The following AGBL1 variants were observed in gnomAD, a reference collection of about 807,000 sequenced individuals.
The protein encoded by AGBL1 is cytosolic carboxypeptidase 4.
AGBL1 carries 130 observed loss-of-function variants against 118.9 expected under a neutral mutation model. The ratio of observed to expected loss-of-function variants is 1.09; its 90% CI spans 0.95 to 1.26. The LOEUF is 1.26. Among genes scored for constraint, AGBL1 ranks in the 50% most tolerant of loss-of-function variants. The pLI is 0.00. For missense variants in AGBL1, 1,584 were observed against 1,298.1 expected, an observed-to-expected ratio of 1.22 and a Z score of -3.38; for synonymous variants, 555 against 478.9, an observed-to-expected ratio of 1.16 and a Z score of -2.08.
intron 17 of AGBL1, among the ~76,000 whole-genome samples, chr15:86,350,285 C>G (rs1021962735): frequency 6.6e-6 from 1 of 152,200 alleles, no homozygotes; most frequent in Non-Finnish European, 1.5e-5. Context: ...AAGAATCTCA[C>G]AAAGAGCTGC....
chr15:86,897,670 A>T (rs541214372), intron 22 of AGBL1, among the ~76,000 whole-genome samples: 44 of 150,826 alleles, frequency 2.9e-4, no homozygotes, highest in Non-Finnish European at 5.6e-4. Flanking sequence ...TTCCACCCTA[A>T]TTCTTGTTGC....
At chr15:86,349,498 G>C (rs2080591678) in intron 17 of AGBL1, among the ~76,000 whole-genome samples, 1 of 152,110 alleles carries the variant, frequency 6.6e-6, no homozygotes, top group Non-Finnish European at 1.5e-5. Context: ...AAGTTTTTGG[G>C]ACTTTGTGTG....
At chr15:86,776,091 C>T (rs1397094112) in intron 22 of AGBL1, among the ~76,000 whole-genome samples, 1 of 152,072 alleles carries the variant, frequency 6.6e-6, no homozygotes, top group Non-Finnish European at 1.5e-5. Flanking sequence ...AATCATTTTC[C>T]ACCTCCTCTT....
intron 18 of AGBL1, among the ~76,000 whole-genome samples, chr15:86,473,671 G>T (rs2082512862): frequency 6.6e-6 from 1 of 152,152 alleles, no homozygotes; most frequent in Non-Finnish European, 1.5e-5. Flanking sequence ...TTTATCATAG[G>T]ACTGGAAAAC....
chr15:86,467,503 A>G (rs2082422617), intron 18 of AGBL1, among the ~76,000 whole-genome samples: 1 of 152,152 alleles, frequency 6.6e-6, no homozygotes, highest in Non-Finnish European at 1.5e-5. Flanking sequence ...CTGGCATTCC[A>G]GGCCCCACTG....
chr15:86,969,269 C>T (rs925576525), intron 23 of AGBL1, among the ~76,000 whole-genome samples: 4 of 151,940 alleles, frequency 2.6e-5, no homozygotes, highest in African/African-American at 9.7e-5. Context: ...AAGTTATGTG[C>T]TTTCCACAAC....
chr15:86,938,644 T>C (rs978553612), intron 23 of AGBL1, among the ~76,000 whole-genome samples: 1 of 152,126 alleles, frequency 6.6e-6, no homozygotes, highest in Non-Finnish European at 1.5e-5. Context: ...AATATCTCTC[T>C]CTCAGGGGTT....
At chr15:86,297,127 A>G (rs1164852048) in intron 17 of AGBL1, 1 of 152,158 alleles carries the variant, frequency 6.6e-6, no homozygotes, top group Non-Finnish European at 1.5e-5. Flanking sequence ...ACACCCTTAT[A>G]TGAATCAAAA....
intron 21 of AGBL1, among the ~76,000 whole-genome samples, chr15:86,612,113 A>G (rs1429095218): frequency 6.6e-6 from 1 of 152,034 alleles, no homozygotes; most frequent in African/African-American, 2.4e-5. Flanking sequence ...AGCTGGAGAT[A>G]AAACCTCCAT....
intron 22 of AGBL1, among the ~76,000 whole-genome samples, chr15:86,906,563 A>G (rs2080282465): frequency 1.3e-5 from 2 of 152,184 alleles, no homozygotes; most frequent in South Asian, 4.1e-4. Flanking sequence ...AGTGCTGTTT[A>G]TTGGAGTGGG....
rs1028768577 is a variant in AGBL1, at chr15:86,079,875, G to C, written c.-98G>C. 1 of 906,068 alleles carries C rather than the reference G, an allele frequency of 1.1e-6. No homozygotes were observed. Among genetic ancestry groups the C allele is most frequent in the African/African-American group, 1.7e-5 (1 of 59,108 alleles). The allele number at this position is 906,068 out of a possible 1,614,324, so 56.1% of individuals were successfully genotyped here. The stretch of plus-strand genomic sequence containing the variant: ...GTGCAGCTGAGGCCTCCGGGCAGTC[G>C]TCTCCTGCGAGGCGGGCAGCGAGGT... On this transcript the variant is annotated 5_prime_UTR_variant, in exon 1 of 23. Coordinates refer to ENST00000614907, the MANE Select transcript of AGBL1 (RefSeq NM_001386094.1).
chr15:86,121,786 C>G (rs973493499), intron 1 of AGBL1, among the ~76,000 whole-genome samples: 1 of 152,216 alleles, frequency 6.6e-6, no homozygotes, highest in African/African-American at 2.4e-5. Context: ...TGAACACACT[C>G]TTAGGTTTAC....
chr15:86,240,571 A>G (rs555444586), intron 6 of AGBL1, among the ~76,000 whole-genome samples: 36 of 152,120 alleles, frequency 2.4e-4, no homozygotes, highest in Non-Finnish European at 3.8e-4. Flanking sequence ...TTTGCAATAT[A>G]ATTGCTCAAG....
chr15:86,491,243 C>T (rs769964908), intron 18 of AGBL1, among the ~76,000 whole-genome samples: 3 of 152,020 alleles, frequency 2.0e-5, no homozygotes, highest in Non-Finnish European at 4.4e-5. Flanking sequence ...AGATGGGGAC[C>T]ATAGCATGAC....
chr15:86,743,192 A>G (rs1478906339), intron 22 of AGBL1, among the ~76,000 whole-genome samples: 1 of 152,116 alleles, frequency 6.6e-6, no homozygotes, highest in East Asian at 1.9e-4. Flanking sequence ...CGATAGTTTT[A>G]TTAAGGTGTA....
chr15:86,987,222 G>GGATA (rs2081294285), intron 23 of AGBL1, among the ~76,000 whole-genome samples: 1 of 152,110 alleles, frequency 6.6e-6, no homozygotes. Flanking sequence ...AGGTCACAGG[G>GGATA]GATATGATGG....
intron 17 of AGBL1, among the ~76,000 whole-genome samples, chr15:86,370,376 C>T (rs1049800400): frequency 1.3e-5 from 2 of 149,096 alleles, no homozygotes; most frequent in African/African-American, 2.5e-5. Flanking sequence ...ATGATCTCGG[C>T]TCACTGCAAC....
At chr15:86,567,850 CT>C (rs1468355846) in intron 21 of AGBL1, among the ~76,000 whole-genome samples, 1 of 152,086 alleles carries the variant, frequency 6.6e-6, no homozygotes, top group Admixed American at 6.5e-5. Context: ...AGGAATCTAC[CT>C]TTTTTTCAAG....
intron 21 of AGBL1, among the ~76,000 whole-genome samples, chr15:86,572,601 A>G (rs2084026205): frequency 1.3e-5 from 2 of 152,176 alleles, no homozygotes; most frequent in Non-Finnish European, 2.9e-5. Flanking sequence ...GACAGGGGCC[A>G]GAGCTGCGGA....
Sources: allele counts gnomAD v4.1 joint callset (sites outside exome capture counted in the v4.1 genomes callset), GRCh38; gene constraint gnomAD v4.1.1; transcripts MANE v1.5; gene names NCBI Gene and HGNC (gene_info 2026-07-23, HGNC 2026-07-21).